The following SLCO3A1 variants were observed in gnomAD, a reference collection of about 807,000 sequenced individuals.
The protein encoded by SLCO3A1 is PGE1 transporter.
SLCO3A1 carries 27 observed loss-of-function variants against 63.1 expected under a neutral mutation model. The observed-to-expected ratio is 0.43, with a 90% CI of 0.32 to 0.59. SLCO3A1 has a LOEUF of 0.59. Among genes scored for constraint, SLCO3A1 ranks in the 20% least tolerant of loss-of-function variants. The pLI, the probability that SLCO3A1 is intolerant of heterozygous loss-of-function variation, is 0.09. For missense variants in SLCO3A1, 773 were observed against 945.8 expected, an observed-to-expected ratio of 0.82 and a Z score of 2.40; for synonymous variants, 473 against 409.9, an observed-to-expected ratio of 1.15 and a Z score of -1.86.
At chr15:92,078,069 A>C (rs1156282504) in intron 2 of SLCO3A1, among the ~76,000 whole-genome samples, 2 of 152,186 alleles carry the variant, frequency 1.3e-5, no homozygotes, top group Admixed American at 6.5e-5. Context: ...GTATTTAATT[A>C]AGAATGATTT....
intron 5 of SLCO3A1, among the ~76,000 whole-genome samples, chr15:92,121,814 G>A (rs1055919665): frequency 6.6e-6 from 1 of 152,240 alleles, no homozygotes; most frequent in African/African-American, 2.4e-5. Context: ...ATGATTCCAA[G>A]AAGAAAGCAG....
At chr15:91,938,978 A>G (rs1403391138) in intron 2 of SLCO3A1, among the ~76,000 whole-genome samples, 1 of 152,226 alleles carries the variant, frequency 6.6e-6, no homozygotes, top group African/African-American at 2.4e-5. Flanking sequence ...CTCTGGGCTC[A>G]TCTGGGCCTG....
rs545347574 is a variant in SLCO3A1, at chr15:92,117,748, C to T, written c.1010-2717C>T. On this transcript the variant is annotated intron_variant, in intron 4 of 9. Transcript: ENST00000318445. ...ACAGTATAGCAAATCAGATTTCACT[C>T]ATTCATAGTGATTTATGAGGATAGA... 6.6e-5 allele frequency among the ~76,000 whole-genome samples: 10 copies of T among 152,184 alleles called. 1 individual carries two copies. The highest frequency in any genetic ancestry group is 1.3e-4 in the Non-Finnish European group (9 of 68,040).
exon 11 of SLCO3A1, chr15:92,171,965 T>TC (rs34925739): frequency 1.2e-6 from 1 of 836,958 alleles, no homozygotes; most frequent in Non-Finnish European, 2.0e-6. Context: ...AACCCGAGGG[T>TC]CCCCATGTGG....
intron 2 of SLCO3A1, among the ~76,000 whole-genome samples, chr15:91,943,796 G>A (rs1899704663): frequency 6.6e-6 from 1 of 152,126 alleles, no homozygotes; most frequent in Admixed American, 6.5e-5. Context: ...ATCTGTGCTA[G>A]GTCATGATTT....
chr15:91,890,799 A>C (rs767668640), intron 1 of SLCO3A1, among the ~76,000 whole-genome samples: 4 of 152,146 alleles, frequency 2.6e-5, no homozygotes, highest in Non-Finnish European at 4.4e-5. Flanking sequence ...TTGACCCTGG[A>C]GGAGAAGGAG....
At position 91,941,116 on chromosome 15, in the gene SLCO3A1, TG is replaced by T. The variant is rs1313881707; in HGVS notation, c.646+24659del. Among the ~76,000 whole-genome samples, 1 of 152,232 alleles carries T rather than the reference TG, an allele frequency of 6.6e-6. No individual in the cohort carries two copies. Among genetic ancestry groups the T allele is most frequent in the Non-Finnish European group, 1.5e-5 (1 of 68,034 alleles). ...AGCCTCTGGCCGTGCAATTAGAGGT[TG>T]TTAGGCAGCTACAATGGGAAATTAA... On this transcript the variant is annotated intron_variant, in intron 2 of 9. Transcript: ENST00000318445. This position sits in a 1 kb window ranked among gnomAD's most constrained non-coding sequence, Gnocchi z 4.4.
At chr15:92,077,683 C>A (rs1341448075) in intron 2 of SLCO3A1, among the ~76,000 whole-genome samples, 1 of 152,220 alleles carries the variant, frequency 6.6e-6, no homozygotes, top group Non-Finnish European at 1.5e-5. Flanking sequence ...AGGCCCCATG[C>A]CACTAAAGCT....
intron 5 of SLCO3A1, among the ~76,000 whole-genome samples, chr15:92,123,487 C>T (rs1351522558): frequency 2.6e-5 from 4 of 152,174 alleles, no homozygotes; most frequent in African/African-American, 9.7e-5. Context: ...ACCCCTCTCC[C>T]TGGGAACTGC....
chr15:92,169,560 A>G (rs1468448638), downstream of SLCO3A1, among the ~76,000 whole-genome samples: 1 of 151,446 alleles, frequency 6.6e-6, no homozygotes, highest in Non-Finnish European at 1.5e-5. Context: ...TGAAACAGAC[A>G]GATAAGAGGA....
chr15:91,963,367 T>C lies in SLCO3A1; in HGVS notation c.646+46909T>C, dbSNP rs745629504. Among the ~76,000 whole-genome samples the C allele has an allele frequency of 4.0e-3, 513 of 129,392 alleles. 2 individuals are homozygous for C. The highest frequency in any genetic ancestry group is 5.5e-3 in the Non-Finnish European group (349 of 63,816). The allele number at this position is 129,392 out of a possible 152,430, so 84.9% of individuals were successfully genotyped here. ...GTTCAGCTGTTAGGGAGACCAGGCC[T>C]GCCACAGTTTCTCTCTCGTGAGGGT... On this transcript the variant is annotated intron_variant, in intron 2 of 9. Transcript: ENST00000318445.
chr15:92,055,633 C>T (rs2047012363), intron 2 of SLCO3A1, among the ~76,000 whole-genome samples: 1 of 152,180 alleles, frequency 6.6e-6, no homozygotes, highest in Non-Finnish European at 1.5e-5. Context: ...ACACTCTCTG[C>T]ATTTGACAAA....
rs867948686 is a variant in SLCO3A1 at position 91,946,399 on chromosome 15, T to G, written c.646+29941T>G. Among the ~76,000 whole-genome samples, 6 of 152,200 alleles carry G rather than the reference T, an allele frequency of 3.9e-5. No homozygotes were observed. In the South Asian group the frequency reaches 1.0e-3, roughly 26 times the overall value. On this transcript the variant is annotated intron_variant, in intron 2 of 9. Coordinates refer to ENST00000318445, the MANE Select transcript of SLCO3A1 (RefSeq NM_013272.4). ...CCCAGATACCCTGTGTTCCAGGCAG[T>G]GCCAAGAACCAGTGAGGAGCACTCC...
intron 2 of SLCO3A1, among the ~76,000 whole-genome samples, chr15:92,049,467 C>T (rs1385367013): frequency 6.6e-6 from 1 of 152,198 alleles, no homozygotes; most frequent in Non-Finnish European, 1.5e-5. Context: ...TACCATTGCC[C>T]TGCTGTCACC....
At position 92,033,891 on chromosome 15, in the gene SLCO3A1, T is replaced by C. The variant is rs1031806811; in HGVS notation, c.647-60990T>C. Reference sequence around the variant, plus strand: ...ACAGACCAGTGAGGGCTGAGGCTTATTAGGGCTGGAGCAGGCTGGCGTTGA... The same window carrying C: ...ACAGACCAGTGAGGGCTGAGGCTTACTAGGGCTGGAGCAGGCTGGCGTTGA... On this transcript the variant is annotated intron_variant, in intron 2 of 9. Transcript: ENST00000318445. This position sits in a 1 kb window ranked among gnomAD's most constrained non-coding sequence, Gnocchi z 4.5. 9.9e-5 allele frequency among the ~76,000 whole-genome samples: 15 copies of C among 152,000 alleles called. No homozygotes were observed. The East Asian group carries it at 2.5e-3, about 26-fold the overall frequency.
At chr15:91,943,836 C>T (rs1369272292) in intron 2 of SLCO3A1, among the ~76,000 whole-genome samples, 1 of 152,186 alleles carries the variant, frequency 6.6e-6, no homozygotes, top group African/African-American at 2.4e-5. Context: ...TCCCCAGAGG[C>T]CAGCTCTTGC....
intron 2 of SLCO3A1, among the ~76,000 whole-genome samples, chr15:91,921,523 G>A: frequency 6.6e-6 from 1 of 151,962 alleles, no homozygotes. Context: ...TTCTCTCTAA[G>A]TACTTGAGGA....
intron 4 of SLCO3A1, among the ~76,000 whole-genome samples, chr15:92,108,125 A>C (rs951358953): frequency 1.3e-5 from 2 of 152,216 alleles, no homozygotes; most frequent in Non-Finnish European, 2.9e-5. Flanking sequence ...AGAGATGGAA[A>C]GCCCGGAGTC....
At chr15:92,077,027 A>G (rs1203496337) in intron 2 of SLCO3A1, among the ~76,000 whole-genome samples, 1 of 152,210 alleles carries the variant, frequency 6.6e-6, no homozygotes, top group African/African-American at 2.4e-5. Context: ...AAGAAGAAGC[A>G]ATCACTTCCT....
Sources: gnomAD v4.1 joint callset for allele counts (sites outside exome capture counted in the v4.1 genomes callset) on GRCh38, gnomAD v4.1.1 for gene constraint, Gnocchi (gnomAD v3.1) non-coding constraint, MANE v1.5 for transcripts, NCBI Gene and HGNC (gene_info 2026-07-23, HGNC 2026-07-21) for gene names.